Variants in DENND5B observed in about 807,000 individuals in gnomAD.
DENND5B encodes the protein DENN domain containing 5B.
A neutral mutation model predicts 140.6 loss-of-function variants in DENND5B; 34 were observed. That is an observed-to-expected ratio of 0.24 (90% CI 0.18 to 0.32). The LOEUF is 0.32. Ranked by LOEUF, DENND5B falls within the 10% of genes least tolerant of loss-of-function variation. The probability of loss-of-function intolerance (pLI) is 1.00; values close to 1 mark genes in which losing one functional copy is unlikely to be tolerated. For missense variants in DENND5B, 1,142 were observed against 1,560.2 expected, an observed-to-expected ratio of 0.73 and a Z score of 4.52; for synonymous variants, 551 against 562.1, an observed-to-expected ratio of 0.98 and a Z score of 0.28.
intron 3 of DENND5B, among the ~76,000 whole-genome samples, chr12:31,479,003 C>CCACACA (rs59317176): frequency 2.0e-4 from 30 of 150,706 alleles, no homozygotes; most frequent in East Asian, 1.2e-3. Context: ...AAACAAAAAA[C>CCACACA]CACACACACA....
At chr12:31,578,983 T>A (rs191187560) in intron 1 of DENND5B, among the ~76,000 whole-genome samples, 1 of 152,362 alleles carries the variant, frequency 6.6e-6, no homozygotes, top group Non-Finnish European at 1.5e-5. Context: ...GCTATTTTCA[T>A]AGCATCATAG....
rs149335646 is a variant in DENND5B, at chr12:31,419,934, T to C, written c.2470+3663A>G. 644 of 844,482 alleles carry C rather than the reference T, an allele frequency of 7.6e-4. 11 individuals carry two copies. The East Asian group carries it at 8.9e-3, about 12-fold the overall frequency. 52.3% of individuals were successfully genotyped at this position (844,482 alleles called of 1,614,324 possible). On this transcript the variant is annotated intron_variant, in intron 11 of 20. Coordinates refer to ENST00000389082, the MANE Select transcript of DENND5B (RefSeq NM_144973.4). ...GTTGCAGTGAGCCAAGACTGCGCCATTGCACTCTAGCCTGGGCAACAAGAG... is the reference window on the plus strand; with the variant it reads ...GTTGCAGTGAGCCAAGACTGCGCCACTGCACTCTAGCCTGGGCAACAAGAG...
At chr12:31,535,454 A>T (rs934216349) in intron 1 of DENND5B, among the ~76,000 whole-genome samples, 1 of 151,724 alleles carries the variant, frequency 6.6e-6, no homozygotes, top group African/African-American at 2.4e-5. Flanking sequence ...ACACACACAC[A>T]CTCTGACTCA....
chr12:31,556,338 A>G (rs1216023016), intron 1 of DENND5B, among the ~76,000 whole-genome samples: 1 of 151,580 alleles, frequency 6.6e-6, no homozygotes, highest in Admixed American at 6.6e-5. Context: ...AGTAGCTGGG[A>G]CTCCAGGCAC....
In DENND5B at chr12:31,424,610, C is replaced by T. The variant is rs761150671; in HGVS notation, c.2316G>A (p.Leu772=). The change falls in exon 10 of 21, where the codon CTG becomes CTA. Residue 772 remains leucine, a synonymous_variant. Coordinates refer to ENST00000389082, the MANE Select transcript of DENND5B (RefSeq NM_144973.4). The part of the protein sequence containing the change: ...LGHGEANITG[L]EENTLIASLC... ...GGCTGGCGATCAAGGTGTTCTCCTCCAGGCCGGTGATGTTTGCTTCTCCAT... is the reference window on the plus strand; with the variant it reads ...GGCTGGCGATCAAGGTGTTCTCCTCTAGGCCGGTGATGTTTGCTTCTCCAT... The T allele has an allele frequency of 1.7e-5, 27 of 1,613,976 alleles. No homozygotes were observed. In the East Asian group the frequency reaches 5.8e-4, roughly 35 times the overall value.
At chr12:31,518,800 G>C (rs1289889512) in intron 1 of DENND5B, among the ~76,000 whole-genome samples, 1 of 151,824 alleles carries the variant, frequency 6.6e-6, no homozygotes, top group Non-Finnish European at 1.5e-5. Flanking sequence ...TGGTAAACAA[G>C]AAAATGGTCC....
At chr12:31,541,979 T>A (rs1002205847) in intron 1 of DENND5B, among the ~76,000 whole-genome samples, 1 of 152,138 alleles carries the variant, frequency 6.6e-6, no homozygotes. Context: ...TTTCACTTAT[T>A]TGTGGGAGCT....
intron 1 of DENND5B, among the ~76,000 whole-genome samples, chr12:31,579,247 C>T (rs748467276): frequency 1.3e-5 from 2 of 152,206 alleles, no homozygotes; most frequent in African/African-American, 2.4e-5. Context: ...GCTAATCTTG[C>T]GGCCTCTTCT....
chr12:31,526,399 C>CT (rs1250361817), intron 1 of DENND5B, among the ~76,000 whole-genome samples: 1 of 152,142 alleles, frequency 6.6e-6, no homozygotes, highest in African/African-American at 2.4e-5. Flanking sequence ...CTGCATTTGA[C>CT]CCAGAAAACA....
chr12:31,449,737 T>TG (rs202069107), intron 5 of DENND5B, among the ~76,000 whole-genome samples: 1 of 139,654 alleles, frequency 7.2e-6, no homozygotes, highest in African/African-American at 2.6e-5. Context: ...ATTAGTTTTT[T>TG]TTTTTTTTTT....
intron 1 of DENND5B, among the ~76,000 whole-genome samples, chr12:31,512,256 C>T (rs904606612): frequency 6.6e-6 from 1 of 151,808 alleles, no homozygotes. Flanking sequence ...CTCTGTGACC[C>T]GGGTTGGCAT....
At chr12:31,550,745 A>G (rs1592030408) in intron 1 of DENND5B, among the ~76,000 whole-genome samples, 3 of 152,226 alleles carry the variant, frequency 2.0e-5, no homozygotes, top group South Asian at 2.1e-4. Flanking sequence ...TGACTTTTTA[A>G]TGATCGCCAT....
At chr12:31,532,556 T>G (rs370000917) in intron 1 of DENND5B, among the ~76,000 whole-genome samples, 1 of 152,256 alleles carries the variant, frequency 6.6e-6, no homozygotes. Context: ...AGGATAGACC[T>G]GTGAGAAAAT....
At chr12:31,411,468 C>T (rs1006911692) in intron 13 of DENND5B, among the ~76,000 whole-genome samples, 2 of 151,664 alleles carry the variant, frequency 1.3e-5, no homozygotes, top group African/African-American at 4.9e-5. Flanking sequence ...CCTCTGCCTC[C>T]CAAGTAGCTG....
At chr12:31,587,527 T>C (rs997603896) in intron 1 of DENND5B, among the ~76,000 whole-genome samples, 4 of 5,850 alleles carry the variant, frequency 6.8e-4, no homozygotes, top group East Asian at 0.014. Flanking sequence ...CACAAATACC[T>C]TTTTTTTTTT....
At chr12:31,448,559 T>C (rs1485125508) in intron 5 of DENND5B, among the ~76,000 whole-genome samples, 1 of 152,232 alleles carries the variant, frequency 6.6e-6, no homozygotes, top group Admixed American at 6.5e-5. Flanking sequence ...AGACATGGAA[T>C]TTATGCTTAT....
At chr12:31,492,193 A>T (rs1946553885) in intron 2 of DENND5B, among the ~76,000 whole-genome samples, 1 of 152,180 alleles carries the variant, frequency 6.6e-6, no homozygotes, top group Admixed American at 6.5e-5. Context: ...CTTCAGGGGG[A>T]AACTTTTGCT....
At chr12:31,488,231 T>C (rs793175) in intron 2 of DENND5B, among the ~76,000 whole-genome samples, 121,903 of 151,552 alleles carry the variant, frequency 0.8, 49,406 homozygotes, top group African/African-American at 0.89. Context: ...TCGCCTCAGC[T>C]TCCCAAAGTG....
intron 6 of DENND5B, among the ~76,000 whole-genome samples, chr12:31,443,313 G>A (rs1944127599): frequency 6.6e-6 from 1 of 152,158 alleles, no homozygotes. Context: ...GACCTCAGGT[G>A]ATCCACCCTC....
Sources: allele counts gnomAD v4.1 joint callset (sites outside exome capture counted in the v4.1 genomes callset), GRCh38; gene constraint gnomAD v4.1.1; transcripts MANE v1.5; gene names NCBI Gene and HGNC (gene_info 2026-07-23, HGNC 2026-07-21).